Variants in CNTNAP2 observed in about 807,000 individuals in gnomAD.
CNTNAP2 encodes contactin-associated protein-like 2.
A neutral mutation model predicts 155.2 loss-of-function variants in CNTNAP2; 98 were observed. The ratio of observed to expected loss-of-function variants is 0.63; its 90% confidence interval spans 0.54 to 0.75. CNTNAP2 has a LOEUF of 0.75. CNTNAP2 is among the 30% of genes least tolerant of loss of function. CNTNAP2 has a pLI of 0.00. For synonymous variants in CNTNAP2, 651 were observed against 631.2 expected (o/e 1.03, Z -0.47); for missense variants, 1,727 against 1,688.1 (o/e 1.02, Z -0.40).
At chr7:147,850,632 T>C (rs933805988) in intron 13 of CNTNAP2, among the ~76,000 whole-genome samples, 1 of 152,152 alleles carries the variant, frequency 6.6e-6, no homozygotes, top group Non-Finnish European at 1.5e-5. Context: ...TCTACAACCA[T>C]CTGATCTTTG....
chr7:148,384,530 C>T (rs1799147582), intron 22 of CNTNAP2, among the ~76,000 whole-genome samples: 2 of 152,190 alleles, frequency 1.3e-5, no homozygotes, highest in African/African-American at 4.8e-5. Flanking sequence ...TCTCAGGAGA[C>T]TTAGGTCGTA....
At chr7:146,530,505 T>A (rs1038210813) in intron 1 of CNTNAP2, among the ~76,000 whole-genome samples, 7 of 152,074 alleles carry the variant, frequency 4.6e-5, no homozygotes, top group African/African-American at 1.7e-4. Context: ...ATATCCGTAA[T>A]CTATAAGGGG....
intron 12 of CNTNAP2, among the ~76,000 whole-genome samples, chr7:147,577,343 TAGA>T (rs1404147564): frequency 2.6e-5 from 4 of 152,086 alleles, no homozygotes; most frequent in African/African-American, 9.7e-5. Context: ...CTCCAGTAGA[TAGA>T]AGAAGAGGAT....
intron 13 of CNTNAP2, among the ~76,000 whole-genome samples, chr7:147,861,251 T>C (rs938126170): frequency 6.6e-6 from 1 of 152,174 alleles, no homozygotes; most frequent in Non-Finnish European, 1.5e-5. Context: ...AACATAATGG[T>C]GGTTATTGAG....
chr7:146,873,604 G>C (rs76074148), intron 3 of CNTNAP2, among the ~76,000 whole-genome samples: 1 of 152,190 alleles, frequency 6.6e-6, no homozygotes, highest in Non-Finnish European at 1.5e-5. Context: ...AATTATGAAT[G>C]CAAGTGGGTC....
Position 147,832,360 on chromosome 7 carries a change from T to C in CNTNAP2, c.2099-71205T>C, listed in dbSNP as rs888876178. ...TATACATATATCTATATACATAATATATTTAATATATATTATTTATACAGA... is the reference window on the plus strand; with the variant it reads ...TATACATATATCTATATACATAATACATTTAATATATATTATTTATACAGA... On this transcript the variant is annotated intron_variant, in intron 13 of 23. Coordinates refer to ENST00000361727, the MANE Select transcript of CNTNAP2 (RefSeq NM_014141.6). Among the ~76,000 whole-genome samples the C allele has an allele frequency of 1.7e-4, 25 of 146,494 alleles. No individual in the cohort carries two copies. The South Asian group carries it at 3.3e-3, about 20-fold the overall frequency.
intron 15 of CNTNAP2, among the ~76,000 whole-genome samples, chr7:148,018,858 G>T (rs568758311): frequency 6.6e-6 from 1 of 152,330 alleles, no homozygotes; most frequent in South Asian, 2.1e-4. Context: ...TCATTTTCCT[G>T]AACTCAAACA....
At chr7:147,514,601 T>C (rs1434251027) in intron 11 of CNTNAP2, among the ~76,000 whole-genome samples, 2 of 148,530 alleles carry the variant, frequency 1.3e-5, no homozygotes, top group African/African-American at 4.9e-5. Context: ...GTTAAGATTC[T>C]TAGAAAGTGA....
At chr7:146,399,966 T>C (rs1031935815) in intron 1 of CNTNAP2, among the ~76,000 whole-genome samples, 2 of 152,146 alleles carry the variant, frequency 1.3e-5, no homozygotes, top group Non-Finnish European at 2.9e-5. Context: ...ATAACACTTA[T>C]GGTGTCTTTC....
chr7:147,915,912 T>C lies in CNTNAP2; in HGVS notation c.2255+12191T>C, dbSNP rs553269702. Among the ~76,000 whole-genome samples, 12 of 152,330 alleles carry C rather than the reference T, an allele frequency of 7.9e-5. No individual in the cohort carries two copies. The South Asian group carries it at 2.5e-3, about 32-fold the overall frequency. ...TTATACTGACTCCACTGTGGTTTAC[T>C]TGGCAGATTTGAGCTATGCTGAAGT... On this transcript the variant is annotated intron_variant, in intron 14 of 23. Transcript: ENST00000361727.
intron 13 of CNTNAP2, among the ~76,000 whole-genome samples, chr7:147,707,081 C>T (rs1415504283): frequency 6.6e-6 from 1 of 151,798 alleles, no homozygotes; most frequent in Non-Finnish European, 1.5e-5. Context: ...ACTGAGTTTC[C>T]TTAATATCAA....
chr7:147,874,533 A>C (rs1436632147), intron 13 of CNTNAP2, among the ~76,000 whole-genome samples: 1 of 152,282 alleles, frequency 6.6e-6, no homozygotes, highest in African/African-American at 2.4e-5. Flanking sequence ...CCTAGGCTGC[A>C]CACAGCAGGG....
intron 21 of CNTNAP2, among the ~76,000 whole-genome samples, chr7:148,323,634 T>C (rs535778607): frequency 2.2e-4 from 33 of 152,246 alleles, no homozygotes; most frequent in Non-Finnish European, 4.4e-4. Flanking sequence ...TCTTCCTCAA[T>C]TGTATGTGAA....
chr7:148,218,974 C>T (rs961061374), intron 19 of CNTNAP2, among the ~76,000 whole-genome samples: 13 of 120,886 alleles, frequency 1.1e-4, no homozygotes, highest in South Asian at 5.5e-4. Flanking sequence ...GATGGAGTCT[C>T]GCTCCATCAC....
intron 3 of CNTNAP2, among the ~76,000 whole-genome samples, chr7:147,041,306 T>C (rs1258809158): frequency 1.3e-5 from 2 of 152,202 alleles, no homozygotes; most frequent in Non-Finnish European, 2.9e-5. Context: ...ACAATCTTAG[T>C]TCAAAAATTC....
At chr7:146,553,375 G>A (rs1329254699) in intron 1 of CNTNAP2, among the ~76,000 whole-genome samples, 1 of 151,836 alleles carries the variant, frequency 6.6e-6, no homozygotes, top group African/African-American at 2.4e-5. Context: ...AAGTACTGAA[G>A]TAAATACTAA....
At chr7:146,554,823 C>T (rs995166083) in intron 1 of CNTNAP2, among the ~76,000 whole-genome samples, 2 of 152,190 alleles carry the variant, frequency 1.3e-5, no homozygotes, top group African/African-American at 4.8e-5. Context: ...GCCAGCAAGA[C>T]CTTTTTAACA....
intron 2 of CNTNAP2, among the ~76,000 whole-genome samples, chr7:146,820,850 G>A (rs1427096014): frequency 6.6e-6 from 1 of 152,180 alleles, no homozygotes; most frequent in African/African-American, 2.4e-5. Flanking sequence ...GGGTGCTCCT[G>A]TATTGGGTGC....
chr7:147,309,876 A>G (rs941124404), intron 9 of CNTNAP2, among the ~76,000 whole-genome samples: 3 of 152,114 alleles, frequency 2.0e-5, no homozygotes, highest in Non-Finnish European at 4.4e-5. Flanking sequence ...AGCTTTTAAT[A>G]CAAAAAAATT....
Sources: gnomAD v4.1 joint callset for allele counts (sites outside exome capture counted in the v4.1 genomes callset) on GRCh38, gnomAD v4.1.1 for gene constraint, MANE v1.5 for transcripts, NCBI Gene and HGNC (gene_info 2026-07-23, HGNC 2026-07-21) for gene names.